Variants in LRP1B observed in about 807,000 individuals in gnomAD.
The protein encoded by LRP1B is LDL receptor related protein 1B.
LRP1B carries 217 observed loss-of-function variants against 556.6 expected under a neutral mutation model. That is an observed-to-expected ratio of 0.39 (90% CI 0.35 to 0.44). The LOEUF is 0.44. LRP1B is among the 20% of genes least tolerant of loss of function. The pLI is 1.00. For synonymous variants in LRP1B, 2,047 were observed against 1,865.8 expected, an observed-to-expected ratio of 1.10 and a Z score of -2.50; for missense variants, 5,053 against 5,620.8, an observed-to-expected ratio of 0.90 and a Z score of 3.23.
chr2:140,877,281 G>A (rs1693339577), intron 25 of LRP1B, among the ~76,000 whole-genome samples: 1 of 152,172 alleles, frequency 6.6e-6, no homozygotes, highest in Admixed American at 6.6e-5. Flanking sequence ...TTATTCTTTT[G>A]TTTGTTGTTG....
intron 32 of LRP1B, among the ~76,000 whole-genome samples, chr2:140,794,254 A>G (rs1459472725): frequency 6.6e-6 from 1 of 152,168 alleles, no homozygotes; most frequent in African/African-American, 2.4e-5. Context: ...TTTCCAAGAA[A>G]AGGAAAATAA....
intron 3 of LRP1B, among the ~76,000 whole-genome samples, chr2:141,469,754 T>TC (rs1382239560): frequency 6.6e-6 from 1 of 152,234 alleles, no homozygotes; most frequent in African/African-American, 2.4e-5. Flanking sequence ...TCTCAAGTCT[T>TC]CTAAATATTT....
Position 140,771,012 on chromosome 2 carries a change from T to C in LRP1B, c.5501-6A>G, listed in dbSNP as rs2104939570. The stretch of plus-strand genomic sequence containing the variant: ...TAGTTGGCAGGAATTGCTGCCTGCA[T>C]AGAATGAAAATGAAACAAATTTCTT... On this transcript the variant is annotated splice_region_variant and splice_polypyrimidine_tract_variant and intron_variant, in intron 33 of 90. Transcript: ENST00000389484. The C allele has an allele frequency of 4.5e-6, 7 of 1,561,618 alleles. No homozygotes were observed. The highest frequency in any genetic ancestry group is 6.0e-6 in the Non-Finnish European group (7 of 1,162,898).
intron 45 of LRP1B, among the ~76,000 whole-genome samples, chr2:140,537,027 C>T (rs1480085939): frequency 6.6e-6 from 1 of 150,442 alleles, no homozygotes; most frequent in African/African-American, 2.4e-5. Flanking sequence ...AAAAATTAGC[C>T]AGGCATGGTG....
At chr2:140,851,598 T>C (rs1370440332) in intron 28 of LRP1B, 54 bp downstream of exon 28, 25 of 1,575,474 alleles carry the variant, frequency 1.6e-5, no homozygotes, top group Non-Finnish European at 2.1e-5. Context: ...GCTAATATAA[T>C]TTGAGAGAAT....
At chr2:140,803,430 C>T (rs1690591826) in intron 32 of LRP1B, among the ~76,000 whole-genome samples, 1 of 151,304 alleles carries the variant, frequency 6.6e-6, no homozygotes, top group African/African-American at 2.4e-5. Context: ...GCACATGCCA[C>T]CATGCCCGGC....
chr2:141,567,737 A>G (rs1686383312), intron 2 of LRP1B, among the ~76,000 whole-genome samples: 2 of 144,612 alleles, frequency 1.4e-5, no homozygotes, highest in Non-Finnish European at 3.1e-5. Flanking sequence ...TTACCTGGGA[A>G]ACTAAACAGA....
chr2:141,453,351 G>A (rs929977472), intron 3 of LRP1B, among the ~76,000 whole-genome samples: 2 of 152,046 alleles, frequency 1.3e-5, no homozygotes, highest in African/African-American at 2.4e-5. Flanking sequence ...CATTCACCTT[G>A]AATGCTTTTT....
chr2:140,444,441 C>T lies in LRP1B; in HGVS notation c.10183G>A (p.Val3395Ile), dbSNP rs748879038. 15 of 1,613,792 alleles carry T rather than the reference C, an allele frequency of 9.3e-6. No individual in the cohort carries two copies. The Admixed American group carries it at 1.8e-4, about 20-fold the overall frequency. Residue 3395 changes from valine (V) to isoleucine (I), a missense_variant, in exon 65 of 91, where the codon GTC (valine) becomes ATC (isoleucine). By Grantham distance (29) the Val-to-Ile change is conservative. Transcript: ENST00000389484. Reference sequence around the variant, plus strand: ...CATTTGAATTGACCTGACAGGCAGACATGTGTGTCTAGAACATAGAAGGAG... The same window carrying T: ...CATTTGAATTGACCTGACAGGCAGATATGTGTGTCTAGAACATAGAAGGAG... ...NSDELNCDTH[V>I]CLSGQFKCTK...
chr2:140,420,169 A>C (rs1318313514), intron 66 of LRP1B, among the ~76,000 whole-genome samples: 6 of 152,136 alleles, frequency 3.9e-5, no homozygotes, highest in Admixed American at 1.3e-4. Context: ...AGAAAAAAAA[A>C]CTTGGATGCA....
chr2:140,344,162 G>A (rs1266917309), intron 77 of LRP1B, among the ~76,000 whole-genome samples: 4 of 151,802 alleles, frequency 2.6e-5, no homozygotes, highest in Non-Finnish European at 5.9e-5. Flanking sequence ...GCATGGTACA[G>A]AACAAATTGA....
intron 2 of LRP1B, among the ~76,000 whole-genome samples, chr2:141,560,788 T>C (rs555283737): frequency 6.6e-6 from 1 of 151,720 alleles, no homozygotes; most frequent in Non-Finnish European, 1.5e-5. Flanking sequence ...TTAGTAATAA[T>C]CAAGCATAAT....
At chr2:141,603,348 G>A (rs962492955) in intron 2 of LRP1B, among the ~76,000 whole-genome samples, 3 of 152,104 alleles carry the variant, frequency 2.0e-5, no homozygotes, top group Admixed American at 6.5e-5. Flanking sequence ...GTATGCATGC[G>A]TTTGTGTAAA....
At chr2:141,687,376 A>T (rs1257861216) in intron 2 of LRP1B, among the ~76,000 whole-genome samples, 4 of 152,002 alleles carry the variant, frequency 2.6e-5, no homozygotes, top group African/African-American at 7.2e-5. Context: ...TAAGCCAAAT[A>T]TTCTGACTTT....
intron 83 of LRP1B, among the ~76,000 whole-genome samples, chr2:140,309,757 G>A (rs1684215074): frequency 6.6e-6 from 1 of 151,682 alleles, no homozygotes; most frequent in Non-Finnish European, 1.5e-5. Context: ...AAATACAAAA[G>A]TATAAAGAAA....
At chr2:141,602,642 C>A (rs2105311008) in intron 2 of LRP1B, among the ~76,000 whole-genome samples, 1 of 152,270 alleles carries the variant, frequency 6.6e-6, no homozygotes, top group Admixed American at 6.5e-5. Flanking sequence ...TTCAGACAAT[C>A]CTTTGGGCTC....
intron 6 of LRP1B, among the ~76,000 whole-genome samples, chr2:141,191,531 T>C (rs538007875): frequency 1.3e-5 from 2 of 152,096 alleles, no homozygotes; most frequent in Admixed American, 1.3e-4. Context: ...TTTGTGGGAA[T>C]GTCTATCACC....
chr2:141,186,077 T>TGAAA (rs1681243360), intron 7 of LRP1B, among the ~76,000 whole-genome samples: 1 of 2,504 alleles, frequency 4.0e-4, no homozygotes. Flanking sequence ...AGACTCTGTC[T>TGAAA]CAAAAAAAAA....
In LRP1B at chr2:141,188,567, C is replaced by G. The variant is rs1204030344; in HGVS notation, c.867G>C (p.Ala289=). 1 of 1,612,056 alleles carries G rather than the reference C, an allele frequency of 6.2e-7. No homozygotes were observed. The change falls in exon 7 of 91, where the codon GCG becomes GCC. Residue 289 remains alanine (A), a synonymous_variant. Coordinates refer to ENST00000389484, the MANE Select transcript of LRP1B (RefSeq NM_018557.3). ...LQSFHNVQQM[A]IDWLTRNLYF... is the part of the protein sequence containing the mutation. ...AGAGATTTCGAGTGAGCCAGTCAAT[C>G]GCCATTTGTTGCACATCTGAAAAAC...
Sources: gnomAD v4.1 joint callset for allele counts (sites outside exome capture counted in the v4.1 genomes callset) on GRCh38, gnomAD v4.1.1 for gene constraint, MANE v1.5 for transcripts, NCBI Gene and HGNC (gene_info 2026-07-23, HGNC 2026-07-21) for gene names.